The following IMMP2L variants were observed in gnomAD, a reference collection of about 807,000 sequenced individuals.
IMMP2L encodes mitochondrial inner membrane protease subunit 2.
A neutral mutation model predicts 19.3 loss-of-function variants in IMMP2L; 18 were observed. That is an observed-to-expected ratio of 0.93 (90% CI 0.64 to 1.38). The LOEUF is 1.38. Among genes scored for constraint, IMMP2L ranks in the 40% most tolerant of loss-of-function variants. The probability of loss-of-function intolerance (pLI) is 0.00; values close to 1 mark genes in which losing one functional copy is unlikely to be tolerated. For synonymous variants in IMMP2L, 76 were observed against 73.0 expected, an observed-to-expected ratio of 1.04 and a Z score of -0.21; for missense variants, 233 against 218.2, an observed-to-expected ratio of 1.07 and a Z score of -0.43.
At position 111,277,316 on chromosome 7, in the gene IMMP2L, A is replaced by G. The variant is rs374172443; in HGVS notation, c.239+209922T>C. ...ATGAACATTTTCCAAAAGACGTACA[A>G]GCAGCCAACAAACACACACAAAAAA... is the stretch of plus-strand genomic sequence containing the variant. On this transcript the variant is annotated intron_variant, in intron 3 of 5. Coordinates refer to ENST00000405709, the MANE Select transcript of IMMP2L (RefSeq NM_032549.4). Among the ~76,000 whole-genome samples the G allele has an allele frequency of 1.5e-3, 223 of 152,190 alleles. 3 individuals carry two copies. The highest frequency in any genetic ancestry group is 5.1e-3 in the African/African-American group (211 of 41,484).
chr7:111,252,622 A>G (rs1286716789), intron 3 of IMMP2L, among the ~76,000 whole-genome samples: 1 of 152,182 alleles, frequency 6.6e-6, no homozygotes, highest in African/African-American at 2.4e-5. Context: ...CCAAGACTGC[A>G]TTAGGTTTGA....
At chr7:110,972,753 A>G (rs1439858026) in intron 3 of IMMP2L, among the ~76,000 whole-genome samples, 1 of 152,080 alleles carries the variant, frequency 6.6e-6, no homozygotes, top group African/African-American at 2.4e-5. Context: ...TAGACAGAAA[A>G]ACACAGCCAG....
intron 2 of IMMP2L, among the ~76,000 whole-genome samples, chr7:111,499,770 G>T (rs1843976284): frequency 6.6e-6 from 1 of 152,104 alleles, no homozygotes; most frequent in African/African-American, 2.4e-5. Flanking sequence ...TGGTCTGCAT[G>T]GCTCTTAGCT....
intron 5 of IMMP2L, among the ~76,000 whole-genome samples, chr7:110,765,118 G>C (rs1371880158): frequency 6.6e-6 from 1 of 152,072 alleles, no homozygotes; most frequent in Non-Finnish European, 1.5e-5. Context: ...CTGTAGAATA[G>C]ATAGCAAAAT....
chr7:111,327,827 A>G (rs1486757670), intron 3 of IMMP2L, among the ~76,000 whole-genome samples: 1 of 151,616 alleles, frequency 6.6e-6, no homozygotes, highest in Non-Finnish European at 1.5e-5. Flanking sequence ...CATAGTGTAC[A>G]TAATACAAGA....
In IMMP2L at chr7:110,861,117, GAGAGAGAGAGAGACAGAGAC is replaced by G. The variant is rs762032667; in HGVS notation, c.408+25456_408+25475del. ...TGTGTGTGAGAGAGAGAGAGAGAGAGAGAGAGAGAGAGACAGAGACAGAGAGACAGAGACAGAGAGACAGA... is the reference window on the plus strand; with the variant it reads ...TGTGTGTGAGAGAGAGAGAGAGAGAGAGAGAGACAGAGACAGAGAGACAGA... On this transcript the variant is annotated intron_variant, in intron 5 of 5. Coordinates refer to ENST00000405709, the MANE Select transcript of IMMP2L (RefSeq NM_032549.4). 1.9e-3 allele frequency among the ~76,000 whole-genome samples: 275 copies of G among 148,310 alleles called. 1 individual carries two copies. Among genetic ancestry groups the G allele is most frequent in the African/African-American group, 2.1e-3 (85 of 40,572 alleles).
intron 2 of IMMP2L, among the ~76,000 whole-genome samples, chr7:111,497,998 T>C (rs1843754688): frequency 1.3e-5 from 2 of 151,974 alleles, no homozygotes; most frequent in South Asian, 4.1e-4. Context: ...CCAATCAATA[T>C]GCAGTGCTTT....
At chr7:111,201,314 T>C (rs1278871029) in intron 3 of IMMP2L, among the ~76,000 whole-genome samples, 1 of 151,960 alleles carries the variant, frequency 6.6e-6, no homozygotes, top group African/African-American at 2.4e-5. Flanking sequence ...TTCAGGAATG[T>C]AATCTTTATA....
At chr7:111,032,912 G>T (rs1159636700) in intron 3 of IMMP2L, among the ~76,000 whole-genome samples, 1 of 152,144 alleles carries the variant, frequency 6.6e-6, no homozygotes, top group African/African-American at 2.4e-5. Context: ...CCGAGGTCCG[G>T]AGTTCGAGAC....
chr7:111,065,540 A>G (rs1247371330), intron 3 of IMMP2L, among the ~76,000 whole-genome samples: 1 of 152,190 alleles, frequency 6.6e-6, no homozygotes, highest in African/African-American at 2.4e-5. Flanking sequence ...CATTTGGGTC[A>G]GTGGGCTAGG....
chr7:111,515,258 G>A (rs1845784308), intron 2 of IMMP2L, among the ~76,000 whole-genome samples: 1 of 152,148 alleles, frequency 6.6e-6, no homozygotes, highest in Non-Finnish European at 1.5e-5. Flanking sequence ...TTTTTCAGGT[G>A]CAGTGAATGT....
intron 5 of IMMP2L, among the ~76,000 whole-genome samples, chr7:110,756,955 T>C (rs1584736589): frequency 6.6e-6 from 1 of 152,086 alleles, no homozygotes; most frequent in Non-Finnish European, 1.5e-5. Context: ...ATACATTTTA[T>C]TTGTATGTAT....
intron 3 of IMMP2L, among the ~76,000 whole-genome samples, chr7:111,164,888 A>T (rs1487014856): frequency 6.6e-6 from 1 of 151,690 alleles, no homozygotes; most frequent in Admixed American, 6.6e-5. Context: ...CTTTTTTTCT[A>T]ATTATTTTTT....
rs996556632 is a variant in IMMP2L, at chr7:110,938,570, T to G, written c.305+24930A>C. Among the ~76,000 whole-genome samples the G allele has an allele frequency of 1.7e-4, 26 of 152,180 alleles. 1 individual carries two copies. The highest frequency in any genetic ancestry group is 6.3e-4 in the African/African-American group (26 of 41,446). ...CATCTATGTATGCCACTACAGCTTA[T>G]GCATTTGAATAAGGTAAGCACTGAC... On this transcript the variant is annotated intron_variant, in intron 4 of 5. Coordinates refer to ENST00000405709, the MANE Select transcript of IMMP2L (RefSeq NM_032549.4).
At chr7:111,217,735 A>C (rs889608953) in intron 3 of IMMP2L, among the ~76,000 whole-genome samples, 6 of 152,156 alleles carry the variant, frequency 3.9e-5, no homozygotes, top group African/African-American at 1.4e-4. Context: ...CCTTTACCTC[A>C]AAATTATGAT....
chr7:111,175,677 C>T (rs1806976973), intron 3 of IMMP2L, among the ~76,000 whole-genome samples: 1 of 151,350 alleles, frequency 6.6e-6, no homozygotes, highest in African/African-American at 2.4e-5. Context: ...GAAATTATTC[C>T]AAGAAAACAT....
At position 110,877,442 on chromosome 7, in the gene IMMP2L, A is replaced by G. The variant is rs1386941731; in HGVS notation, c.408+9151T>C. ...TGTTAGAGTAGGTCTGGGAGTAGTC[A>G]TTGTCCAGATTAAGGTGGGCAGGCA... is the stretch of plus-strand genomic sequence containing the variant. On this transcript the variant is annotated intron_variant, in intron 5 of 5. Transcript: ENST00000405709. This position sits in a 1 kb window ranked among gnomAD's most constrained non-coding sequence, Gnocchi z 4.0. Among the ~76,000 whole-genome samples the G allele has an allele frequency of 1.3e-5, 2 of 152,160 alleles. No homozygotes were observed. The highest frequency in any genetic ancestry group is 2.9e-5 in the Non-Finnish European group (2 of 68,016).
intron 4 of IMMP2L, among the ~76,000 whole-genome samples, chr7:110,962,032 A>C (rs1381943394): frequency 1.3e-5 from 2 of 152,094 alleles, no homozygotes; most frequent in East Asian, 3.9e-4. Flanking sequence ...ACTAAAACTC[A>C]TTGAACTGTA....
rs761738899 is a variant in IMMP2L, at chr7:110,728,633, C to A, written c.409-64912G>T. Among the ~76,000 whole-genome samples the A allele has an allele frequency of 6.6e-6, 1 of 152,226 alleles. No individual in the cohort carries two copies. The highest frequency in any genetic ancestry group is 1.5e-5 in the Non-Finnish European group (1 of 68,038). ...TAATCACCTCCTAACTACTTTCAAACCAACAAACCCAAATATTGCCACTGA... is the reference window on the plus strand; with the variant it reads ...TAATCACCTCCTAACTACTTTCAAAACAACAAACCCAAATATTGCCACTGA... On this transcript the variant is annotated intron_variant, in intron 5 of 5. Coordinates refer to ENST00000405709, the MANE Select transcript of IMMP2L (RefSeq NM_032549.4). The surrounding 1 kb of genome is among the most constrained non-coding windows in gnomAD (Gnocchi z 4.6).
Sources: gnomAD v4.1 joint callset for allele counts (sites outside exome capture counted in the v4.1 genomes callset) on GRCh38, gnomAD v4.1.1 for gene constraint, Gnocchi (gnomAD v3.1) non-coding constraint, MANE v1.5 for transcripts, NCBI Gene and HGNC (gene_info 2026-07-23, HGNC 2026-07-21) for gene names.